Variants in FAM161B observed in about 807,000 individuals in gnomAD.
The protein encoded by FAM161B is FAM161 centrosomal protein B.
FAM161B carries 46 observed loss-of-function variants against 61.5 expected under a neutral mutation model. The observed-to-expected ratio is 0.75, with a 90% CI of 0.59 to 0.96. The LOEUF (loss-of-function observed/expected upper bound fraction) is 0.96. FAM161B is among the 40% of genes least tolerant of loss of function. FAM161B has a pLI of 0.00. For synonymous variants in FAM161B, 284 were observed against 302.7 expected, an observed-to-expected ratio of 0.94 and a Z score of 0.64; for missense variants, 774 against 800.7, an observed-to-expected ratio of 0.97 and a Z score of 0.40.
chr14:73,935,249 C>T (rs1023583827), intron 8 of FAM161B, among the ~76,000 whole-genome samples: 5 of 151,842 alleles, frequency 3.3e-5, no homozygotes, highest in Admixed American at 6.6e-5. Flanking sequence ...TATGGAGGGC[C>T]GGGCGCGGTC....
the FAM161B span, chr14:73,924,563 G>T: frequency 5.5e-6 from 2 of 362,710 alleles, no homozygotes; most frequent in Admixed American, 3.6e-5. Flanking sequence ...GGGAGTGGAT[G>T]ACTTCATCAC....
At chr14:73,931,524 AC>A (rs2140337780), downstream of FAM161B, 1 of 1,607,528 alleles carries the variant, frequency 6.2e-7, no homozygotes, top group East Asian at 2.2e-5. Context: ...AGGAGATTTA[AC>A]TGAAAGACGG....
At chr14:73,949,905 C>A in intron 1 of FAM161B, 68 bp downstream of exon 1, 1 of 1,594,530 alleles carries the variant, frequency 6.3e-7, no homozygotes, top group South Asian at 1.1e-5. Flanking sequence ...TGTCTGTCTC[C>A]AAGGCAACGC....
downstream of FAM161B, among the ~76,000 whole-genome samples, chr14:73,929,584 G>C (rs1023606862): frequency 6.6e-6 from 1 of 152,016 alleles, no homozygotes; most frequent in African/African-American, 2.4e-5. Context: ...GGGTGCGGTG[G>C]CTAGCACTTT....
chr14:73,946,603 T>C lies in FAM161B; in HGVS notation c.57A>G (p.Ile19Met). 1 of 1,611,212 alleles carries C rather than the reference T, an allele frequency of 6.2e-7. No homozygotes were observed. ...APGGAEGSRQ[I>M]FPPESFADTE... ...TGTCTGCGAAGGACTCGGGGGGAAA[T>C]ATCTAAAATAGAATAGAAATAGGCT... The change falls in exon 2 of 9, where the codon ATA (isoleucine) becomes ATG (methionine). Residue 19 changes from isoleucine to methionine, a missense_variant and splice_region_variant. Transcript: ENST00000286544.
chr14:73,938,153 T>C (rs374745514), intron 5 of FAM161B, 41 bp from the exon 6 acceptor site: 4 of 1,604,510 alleles, frequency 2.5e-6, no homozygotes, highest in African/African-American at 2.7e-5. Context: ...ATTACCAACC[T>C]GGGTATACTG....
At chr14:73,927,566 T>C (rs1409316556), downstream of FAM161B, among the ~76,000 whole-genome samples, 7 of 152,166 alleles carry the variant, frequency 4.6e-5, no homozygotes, top group Non-Finnish European at 1.5e-5. Context: ...CTCTCCTGTA[T>C]TGGTAAATAT....
chr14:73,941,728 G>T (rs2056020659), intron 4 of FAM161B, among the ~76,000 whole-genome samples: 1 of 152,052 alleles, frequency 6.6e-6, no homozygotes, highest in South Asian at 2.1e-4. Flanking sequence ...TTTTTGAGAT[G>T]AACTTTCACT....
At chr14:73,924,347 C>T in the FAM161B span, among the ~76,000 whole-genome samples, 11 of 152,180 alleles carry the variant, frequency 7.2e-5, no homozygotes, top group Non-Finnish European at 1.3e-4. Flanking sequence ...CTGCTGCTCA[C>T]CTCCTGCTGT....
chr14:73,927,850 A>ATTTTT (rs769693607), downstream of FAM161B: 153 of 135,262 alleles, frequency 1.1e-3, 3 homozygotes, highest in South Asian at 7.7e-3. Flanking sequence ...TTTTTTTTTA[A>ATTTTT]TTTTTTAGAC....
rs2055944830 is a variant in FAM161B, at chr14:73,933,633, G to C, written c.*623C>G. The C allele has an allele frequency of 2.0e-5, 3 of 152,196 alleles. No individual in the cohort carries two copies. Among genetic ancestry groups the C allele is most frequent in the African/African-American group, 7.2e-5 (3 of 41,412 alleles). The allele number at this position is 152,196 out of a possible 1,614,324, so 9.4% of individuals were successfully genotyped here. On this transcript the variant is annotated 3_prime_UTR_variant, in exon 9 of 9. Coordinates refer to ENST00000286544, the MANE Select transcript of FAM161B (RefSeq NM_152445.3). The stretch of plus-strand genomic sequence containing the variant: ...TTTCCAGTGTCTACTATCTCCTACT[G>C]TCTACACCCACTCCATGGACGCATT...
chr14:73,946,606 C>T lies in FAM161B; in HGVS notation c.55-1G>A. The T allele has an allele frequency of 6.2e-7, 1 of 1,610,980 alleles. No homozygotes were observed. The highest frequency in any genetic ancestry group is 1.1e-5 in the South Asian group (1 of 91,010). Reference sequence around the variant, plus strand: ...CTGCGAAGGACTCGGGGGGAAATATCTAAAATAGAATAGAAATAGGCTGTG... The same window carrying T: ...CTGCGAAGGACTCGGGGGGAAATATTTAAAATAGAATAGAAATAGGCTGTG... On this transcript the variant is annotated splice_acceptor_variant, in intron 1 of 8. Coordinates refer to ENST00000286544, the MANE Select transcript of FAM161B (RefSeq NM_152445.3). LOFTEE classifies it high-confidence loss of function.
At chr14:73,937,435 C>T (rs1319561465) in intron 7 of FAM161B, among the ~76,000 whole-genome samples, 167 bp downstream of exon 7, 1 of 152,168 alleles carries the variant, frequency 6.6e-6, no homozygotes, top group Non-Finnish European at 1.5e-5. Flanking sequence ...TCAACACAAG[C>T]AGCATTCTCT....
chr14:73,931,334 C>T (rs906906675), downstream of FAM161B, among the ~76,000 whole-genome samples: 1 of 152,168 alleles, frequency 6.6e-6, no homozygotes, highest in Non-Finnish European at 1.5e-5. Context: ...TGTCCCAAGG[C>T]CACAGTGACA....
downstream of FAM161B, among the ~76,000 whole-genome samples, chr14:73,929,799 A>G (rs779528481): frequency 1.6e-4 from 24 of 151,998 alleles, no homozygotes; most frequent in Non-Finnish European, 2.4e-4. Flanking sequence ...TCTGGGTGAC[A>G]GAGCCAAACT....
rs2055947141 is a variant in FAM161B at position 73,933,845 on chromosome 14, A to C, written c.*411T>G. 1 of 154,604 alleles carries C rather than the reference A, an allele frequency of 6.5e-6. No individual in the cohort carries two copies. Among genetic ancestry groups the C allele is most frequent in the Non-Finnish European group, 1.4e-5 (1 of 69,872 alleles). 9.6% of individuals were successfully genotyped at this position (154,604 alleles called of 1,614,324 possible). A position where few individuals can be genotyped will look rare whatever the true frequency, so the allele number is the denominator to read the frequency against. On this transcript the variant is annotated 3_prime_UTR_variant, in exon 9 of 9. Transcript: ENST00000286544. ...CTGCTGCTCTTTTTTTTTCTCAGAC[A>C]GAGTTTTGCTCTGCTGCCCAGGCTG...
chr14:73,925,375 A>C, the FAM161B span, among the ~76,000 whole-genome samples: 1 of 151,598 alleles, frequency 6.6e-6, no homozygotes, highest in Non-Finnish European at 1.5e-5. Context: ...TGATAAACCC[A>C]CGTCGAAGTC....
downstream of FAM161B, chr14:73,931,393 C>A: frequency 2.2e-6 from 2 of 889,202 alleles, no homozygotes; most frequent in Non-Finnish European, 1.7e-6. Context: ...AGCCTTCATT[C>A]ACCCCTGTAG....
chr14:73,933,558 A>C lies in FAM161B; in HGVS notation c.*698T>G, dbSNP rs1698752453. The C allele has an allele frequency of 6.6e-6, 1 of 152,220 alleles. No homozygotes were observed. Among genetic ancestry groups the C allele is most frequent in the Non-Finnish European group, 1.5e-5 (1 of 68,046 alleles). The allele number at this position is 152,220 out of a possible 1,614,324, so 9.4% of individuals were successfully genotyped here. ...CATACAAATTTCTGGCTTGATGAAA[A>C]TGTAGTTGATGTAGTAACTCTGAGC... On this transcript the variant is annotated 3_prime_UTR_variant, in exon 9 of 9. Transcript: ENST00000286544.
Sources: gnomAD v4.1 joint callset for allele counts (sites outside exome capture counted in the v4.1 genomes callset) on GRCh38, gnomAD v4.1.1 for gene constraint, MANE v1.5 for transcripts, NCBI Gene and HGNC (gene_info 2026-07-23, HGNC 2026-07-21) for gene names.